Variants in GLYATL1 observed in about 807,000 individuals in gnomAD.
GLYATL1 encodes the protein glycine N-acyltransferase-like protein 1.
In GLYATL1, 15 loss-of-function variants were observed where a neutral mutation model predicts 20.0. The observed-to-expected ratio is 0.75, with a 90% CI of 0.50 to 1.15. The LOEUF (loss-of-function observed/expected upper bound fraction) is 1.15. Ranked by LOEUF, GLYATL1 falls within the 50% of genes most tolerant of loss-of-function variation. The probability of loss-of-function intolerance (pLI) is 0.00; values close to 1 mark genes in which losing one functional copy is unlikely to be tolerated. For missense variants in GLYATL1, 380 were observed against 368.5 expected (o/e 1.03, Z -0.26); for synonymous variants, 151 against 131.5 (o/e 1.15, Z -1.01).
chr11:58,952,509 T>C (rs1304793106), intron 4 of GLYATL1, among the ~76,000 whole-genome samples: 1 of 152,260 alleles, frequency 6.6e-6, no homozygotes, highest in African/African-American at 2.4e-5. Context: ...TTTTGGCTTA[T>C]GTAGAATTTA....
intron 6 of GLYATL1, 123 bp from the exon 7 acceptor site, chr11:58,955,487 C>A (rs1432248330): frequency 7.2e-7 from 1 of 1,389,768 alleles, no homozygotes; most frequent in Non-Finnish European, 9.8e-7. Context: ...AGTTCAAGAT[C>A]CAAAACTTTG....
At chr11:58,942,836 A>G (rs1207325825) in intron 1 of GLYATL1, among the ~76,000 whole-genome samples, 1 of 152,206 alleles carries the variant, frequency 6.6e-6, no homozygotes, top group Non-Finnish European at 1.5e-5. Flanking sequence ...TGGGGAGGAA[A>G]GAAGGGTCCA....
intron 1 of GLYATL1, chr11:58,942,474 G>T (rs558227400): frequency 1.3e-5 from 2 of 152,334 alleles, no homozygotes; most frequent in South Asian, 4.1e-4. Flanking sequence ...TGTCATAATG[G>T]ATTGGATGTA....
At chr11:58,917,776 A>G (rs1056348559) in intron 1 of GLYATL1, among the ~76,000 whole-genome samples, 1 of 152,184 alleles carries the variant, frequency 6.6e-6, no homozygotes, top group Non-Finnish European at 1.5e-5. Flanking sequence ...TCATGGGGGA[A>G]AGGAAAATTT....
intron 1 of GLYATL1, among the ~76,000 whole-genome samples, chr11:58,915,827 G>C (rs1184160764): frequency 1.3e-5 from 2 of 152,164 alleles, no homozygotes; most frequent in Admixed American, 1.3e-4. Context: ...ATTTTTACCA[G>C]GTCTCTGAAG....
intron 1 of GLYATL1, among the ~76,000 whole-genome samples, chr11:58,919,111 A>G (rs1424198789): frequency 6.6e-6 from 1 of 152,236 alleles, no homozygotes; most frequent in East Asian, 1.9e-4. Flanking sequence ...AACGGTATAC[A>G]GTGTCTGTCA....
At chr11:58,947,642 G>A in intron 3 of GLYATL1, 1 of 557,196 alleles carries the variant, frequency 1.8e-6, no homozygotes, top group East Asian at 3.0e-5. Flanking sequence ...TAGCTCTTTG[G>A]TATCACAAGG....
chr11:58,906,054 C>A (rs1285224207), intron 1 of GLYATL1, among the ~76,000 whole-genome samples: 2 of 152,166 alleles, frequency 1.3e-5, no homozygotes, highest in African/African-American at 2.4e-5. Flanking sequence ...CCAACACCTG[C>A]GAATCGGGAG....
At chr11:58,943,389 T>C (rs888826661) in intron 1 of GLYATL1, 154 bp from the exon 2 acceptor site, 3 of 1,538,252 alleles carry the variant, frequency 2.0e-6, no homozygotes, top group Non-Finnish European at 2.6e-6. Context: ...TACATCACTT[T>C]ACCTTTTTTG....
intron 1 of GLYATL1, among the ~76,000 whole-genome samples, chr11:58,922,483 G>T (rs1855332840): frequency 6.6e-6 from 1 of 152,184 alleles, no homozygotes; most frequent in Non-Finnish European, 1.5e-5. Flanking sequence ...CTCAGGTGCA[G>T]CCAGACCAGA....
intron 1 of GLYATL1, chr11:58,943,287 A>G (rs1241373115): frequency 6.5e-7 from 1 of 1,549,558 alleles, no homozygotes; most frequent in Non-Finnish European, 8.7e-7. Flanking sequence ...TCAACTACTC[A>G]TAGACTGCTG....
intron 1 of GLYATL1, among the ~76,000 whole-genome samples, chr11:58,915,925 T>TTA (rs1855160834): frequency 8.9e-6 from 1 of 112,936 alleles, no homozygotes; most frequent in African/African-American, 3.4e-5. Context: ...GAAACGAAAC[T>TTA]TGTTAAGTTG....
At chr11:58,940,100 T>C (rs1342021228) in intron 1 of GLYATL1, among the ~76,000 whole-genome samples, 1 of 152,178 alleles carries the variant, frequency 6.6e-6, no homozygotes, top group East Asian at 1.9e-4. Flanking sequence ...CCAGTATAGT[T>C]TGGAATCTGG....
In GLYATL1 at chr11:58,943,663, A is replaced by G. The variant is rs556422680; in HGVS notation, c.-46A>G. 2 of 1,612,950 alleles carry G rather than the reference A, an allele frequency of 1.2e-6. No homozygotes were observed. Among genetic ancestry groups the G allele is most frequent in the Non-Finnish European group, 1.7e-6 (2 of 1,179,420 alleles). ...TGATCTCTCAGAGTGGCTGAGGATAATAGGTAAGCTCCCTCTCGCATTTTG... is the reference window on the plus strand; with the variant it reads ...TGATCTCTCAGAGTGGCTGAGGATAGTAGGTAAGCTCCCTCTCGCATTTTG... On this transcript the variant is annotated 5_prime_UTR_variant, in exon 2 of 7. Transcript: ENST00000532726.
chr11:58,954,766 A>T lies in GLYATL1; in HGVS notation c.187-4A>T. The T allele has an allele frequency of 6.3e-7, 1 of 1,598,910 alleles. No individual in the cohort carries two copies. The highest frequency in any genetic ancestry group is 8.5e-7 in the Non-Finnish European group (1 of 1,174,888). ...ATGACCTGATCTTATATCATCCAATACAGGAGATGACTGATGACATGGATT... is the reference window on the plus strand; with the variant it reads ...ATGACCTGATCTTATATCATCCAATTCAGGAGATGACTGATGACATGGATT... On this transcript the variant is annotated splice_region_variant and splice_polypyrimidine_tract_variant and intron_variant, in intron 4 of 6. Coordinates refer to ENST00000532726, the MANE Select transcript of GLYATL1 (RefSeq NM_001389712.2).
intron 1 of GLYATL1, among the ~76,000 whole-genome samples, chr11:58,914,841 C>T (rs1855133348): frequency 6.6e-6 from 1 of 152,198 alleles, no homozygotes; most frequent in African/African-American, 2.4e-5. Context: ...TACTCTGTCT[C>T]ACTAGGATAT....
At chr11:58,910,096 C>T (rs1855003132), downstream of GLYATL1, among the ~76,000 whole-genome samples, 1 of 152,160 alleles carries the variant, frequency 6.6e-6, no homozygotes, top group Admixed American at 6.5e-5. Context: ...GCACAAAACC[C>T]TGTGACTGAG....
At chr11:58,931,068 C>T (rs1855580720) in intron 1 of GLYATL1, among the ~76,000 whole-genome samples, 1 of 152,166 alleles carries the variant, frequency 6.6e-6, no homozygotes, top group Non-Finnish European at 1.5e-5. Flanking sequence ...ATATGGCCTA[C>T]ACAACTGAAA....
chr11:58,943,805 G>C, intron 2 of GLYATL1, 139 bp downstream of exon 2: 2 of 1,291,266 alleles, frequency 1.5e-6, no homozygotes, highest in Non-Finnish European at 2.1e-6. Flanking sequence ...ATTTGATCTT[G>C]GAATTAACTG....
Sources: allele counts gnomAD v4.1 joint callset (sites outside exome capture counted in the v4.1 genomes callset), GRCh38; gene constraint gnomAD v4.1.1; transcripts MANE v1.5; gene names NCBI Gene and HGNC (gene_info 2026-07-23, HGNC 2026-07-21).